Variants in REPS1 observed in about 807,000 individuals in gnomAD.
The protein encoded by REPS1 is ralBP1-associated Eps domain-containing protein 1.
Under a neutral mutation model 100.9 loss-of-function variants are expected in REPS1, and 39 were observed. The observed-to-expected ratio is 0.39, with a 90% CI of 0.30 to 0.50. The LOEUF (loss-of-function observed/expected upper bound fraction) is 0.50. Among genes scored for constraint, REPS1 ranks in the 20% least tolerant of loss-of-function variants. The probability of loss-of-function intolerance (pLI) is 0.86; values close to 1 mark genes in which losing one functional copy is unlikely to be tolerated. For missense variants in REPS1, 821 were observed against 968.5 expected (o/e 0.85, Z 2.02); for synonymous variants, 324 against 340.3 (o/e 0.95, Z 0.53).
intron 1 of REPS1, among the ~76,000 whole-genome samples, chr6:138,955,916 A>G (rs6570297): frequency 0.15 from 22,555 of 152,108 alleles, 1,769 homozygotes; most frequent in African/African-American, 0.17. Flanking sequence ...AAGCACTTCA[A>G]AAAGTATCTG....
At chr6:138,959,510 A>G (rs1464202530) in intron 1 of REPS1, among the ~76,000 whole-genome samples, 1 of 152,184 alleles carries the variant, frequency 6.6e-6, no homozygotes, top group Non-Finnish European at 1.5e-5. Flanking sequence ...TTCCCTTTTC[A>G]GTCATTAATA....
At chr6:138,958,779 G>A (rs757830521) in intron 1 of REPS1, among the ~76,000 whole-genome samples, 10 of 152,024 alleles carry the variant, frequency 6.6e-5, no homozygotes, top group Non-Finnish European at 1.3e-4. Context: ...CCAAACTATC[G>A]TTTTTTGCTC....
At chr6:138,927,791 T>A (rs1781231779) in intron 9 of REPS1, 1 of 152,222 alleles carries the variant, frequency 6.6e-6, no homozygotes, top group Admixed American at 6.5e-5. Flanking sequence ...CCCACAATAA[T>A]TACTTTTATC....
chr6:138,912,237 C>T (rs1043224463), intron 16 of REPS1, among the ~76,000 whole-genome samples: 2 of 152,126 alleles, frequency 1.3e-5, no homozygotes, highest in Non-Finnish European at 2.9e-5. Context: ...ATAGAATATC[C>T]TAGAACACTG....
chr6:138,960,252 G>C (rs1435434522), intron 1 of REPS1, among the ~76,000 whole-genome samples: 2 of 152,030 alleles, frequency 1.3e-5, no homozygotes, highest in African/African-American at 2.4e-5. Flanking sequence ...ACACTTTGGG[G>C]TTCAATGTTG....
intron 1 of REPS1, among the ~76,000 whole-genome samples, chr6:138,976,417 A>G (rs1474575202): frequency 6.6e-6 from 1 of 152,170 alleles, no homozygotes; most frequent in Non-Finnish European, 1.5e-5. Flanking sequence ...CAAAGACACC[A>G]AATCAGTCCC....
chr6:138,924,518 C>T (rs1405788606), intron 10 of REPS1, among the ~76,000 whole-genome samples: 1 of 152,120 alleles, frequency 6.6e-6, no homozygotes, highest in Non-Finnish European at 1.5e-5. Flanking sequence ...ACATAATGTT[C>T]TTGCCTGGCC....
Position 138,912,974 on chromosome 6 carries a change from G to C in REPS1, c.1786-24C>G, listed in dbSNP as rs201708101. On this transcript the variant is annotated intron_variant, in intron 15 of 19. Coordinates refer to ENST00000450536, the MANE Select transcript of REPS1 (RefSeq NM_001286611.2). ...GCCTGTGCAATGGTTCAGAACAGAG[G>C]AACACACATTCTATCAGCCTATCAG... 1.8e-4 allele frequency: 289 copies of C among 1,583,242 alleles called. 2 individuals carry two copies. Among genetic ancestry groups the C allele is most frequent in the Non-Finnish European group, 3.8e-5 (44 of 1,162,986 alleles).
chr6:138,968,843 TAA>T (rs998789169), intron 1 of REPS1, among the ~76,000 whole-genome samples: 1 of 151,792 alleles, frequency 6.6e-6, no homozygotes. Context: ...AGAACGGTGT[TAA>T]AAAAAAATTT....
In REPS1 at chr6:138,987,653, C is replaced by T. The variant is rs1265387522; in HGVS notation, c.30G>A (p.Glu10=). 4 of 1,549,190 alleles carry T rather than the reference C, an allele frequency of 2.6e-6. No individual in the cohort carries two copies. The African/African-American group carries it at 5.5e-5, about 21-fold the overall frequency. Residue 10 remains glutamate, a synonymous_variant, in exon 1 of 20, where the codon GAG becomes GAA. Transcript: ENST00000450536. ...AGAAGAGATCTGAATAGTATTTCTGCTCCGCATCGCTCAGCGTTAAGCCTT... is the reference window on the plus strand; with the variant it reads ...AGAAGAGATCTGAATAGTATTTCTGTTCCGCATCGCTCAGCGTTAAGCCTT... MEGLTLSDA[E]QKYYSDLFSY...
intron 1 of REPS1, among the ~76,000 whole-genome samples, chr6:138,968,342 T>C (rs1784128983): frequency 1.3e-5 from 2 of 152,228 alleles, no homozygotes; most frequent in African/African-American, 4.8e-5. Flanking sequence ...TGTCAGTACT[T>C]CTTTAATACA....
intron 9 of REPS1, chr6:138,929,594 C>G (rs181407942): frequency 6.3e-6 from 1 of 159,226 alleles, no homozygotes; most frequent in Admixed American, 6.2e-5. Context: ...ACCTTGTTTA[C>G]AGGACTGAGA....
chr6:138,962,982 C>A (rs960679698), intron 1 of REPS1, among the ~76,000 whole-genome samples: 7 of 152,076 alleles, frequency 4.6e-5, no homozygotes, highest in Non-Finnish European at 1.0e-4. Context: ...TTTTAAAGAA[C>A]AAACTTCTAA....
rs1420994469 is a variant in REPS1, at chr6:138,929,966, G to A, written c.1257+11C>T. 1.9e-6 allele frequency: 3 copies of A among 1,610,936 alleles called. No individual in the cohort carries two copies. The highest frequency in any genetic ancestry group is 1.1e-5 in the South Asian group (1 of 90,570). ...TAACTTTTAATGAAAGAAAAGGAAA[G>A]CTTTGCTAACCTCACTGCTCTGATT... On this transcript the variant is annotated intron_variant, in intron 9 of 19. Coordinates refer to ENST00000450536, the MANE Select transcript of REPS1 (RefSeq NM_001286611.2).
intron 12 of REPS1, among the ~76,000 whole-genome samples, chr6:138,919,830 A>G (rs575542040): frequency 2.6e-5 from 4 of 151,872 alleles, no homozygotes; most frequent in African/African-American, 9.7e-5. Context: ...TCTCCCTTAC[A>G]GAATGTAAAC....
intron 1 of REPS1, among the ~76,000 whole-genome samples, chr6:138,986,787 TAAAA>T (rs112843204): frequency 6.6e-5 from 10 of 152,154 alleles, no homozygotes; most frequent in Admixed American, 6.5e-4. Context: ...GCAGATATGA[TAAAA>T]AAAGGCTTTA....
intron 8 of REPS1, among the ~76,000 whole-genome samples, chr6:138,940,760 G>GA (rs980700432): frequency 3.0e-4 from 38 of 125,364 alleles, no homozygotes; most frequent in African/African-American, 3.2e-4. Flanking sequence ...AAAGAAAAAA[G>GA]AAAAAAAAAA....
At chr6:138,961,730 T>C (rs550398986) in intron 1 of REPS1, among the ~76,000 whole-genome samples, 1 of 152,212 alleles carries the variant, frequency 6.6e-6, no homozygotes, top group African/African-American at 2.4e-5. Context: ...CTGGAGACCA[T>C]ACTTTGAGAA....
At chr6:138,905,168 G>T in intron 19 of REPS1, 36 bp from the exon 20 acceptor site, 1 of 1,348,716 alleles carries the variant, frequency 7.4e-7, no homozygotes, top group Non-Finnish European at 1.1e-6. Flanking sequence ...ATGTTTCAAA[G>T]TATATAAAAA....
Sources: allele counts gnomAD v4.1 joint callset (sites outside exome capture counted in the v4.1 genomes callset), GRCh38; gene constraint gnomAD v4.1.1; transcripts MANE v1.5; gene names NCBI Gene and HGNC (gene_info 2026-07-23, HGNC 2026-07-21).